The following FAT2 variants were observed in gnomAD, a reference collection of about 807,000 sequenced individuals.
The protein encoded by FAT2 is protocadherin Fat 2.
In FAT2, 150 loss-of-function variants were observed where a neutral mutation model predicts 295.3. That is an observed-to-expected ratio of 0.51 (90% confidence interval 0.44 to 0.58). The LOEUF is 0.58. Ranked by LOEUF, FAT2 falls within the 20% of genes least tolerant of loss-of-function variation. The pLI is 0.00. For synonymous variants in FAT2, 2,026 were observed against 2,150.3 expected, an observed-to-expected ratio of 0.94 and a Z score of 1.60; for missense variants, 4,868 against 5,442.7, an observed-to-expected ratio of 0.89 and a Z score of 3.32.
chr5:151,560,261 A>T (rs1050588158), intron 3 of FAT2, among the ~76,000 whole-genome samples: 7 of 152,188 alleles, frequency 4.6e-5, no homozygotes, highest in Admixed American at 3.9e-4. Context: ...ATAGCTTTGT[A>T]TATTAACTCA....
chr5:151,510,195 G>C (rs779689954), intron 21 of FAT2, 21 bp from the exon 22 acceptor site: 2 of 1,613,482 alleles, frequency 1.2e-6, no homozygotes, highest in South Asian at 2.2e-5. Context: ...AAGAAGGGAG[G>C]TGAGAGACCG....
chr5:151,564,280 A>C (rs971427588), intron 2 of FAT2, among the ~76,000 whole-genome samples: 3 of 152,226 alleles, frequency 2.0e-5, no homozygotes, highest in Admixed American at 1.3e-4. Context: ...GGCGTGGCCC[A>C]TGCTCACAGC....
chr5:151,533,327 G>T (rs1318916291), intron 13 of FAT2, among the ~76,000 whole-genome samples: 1 of 151,016 alleles, frequency 6.6e-6, no homozygotes, highest in Non-Finnish European at 1.5e-5. Flanking sequence ...ATGTATTCCA[G>T]ATCTCTCCTA....
chr5:151,558,673 G>A (rs572388286), intron 3 of FAT2, among the ~76,000 whole-genome samples: 20 of 151,988 alleles, frequency 1.3e-4, no homozygotes, highest in African/African-American at 3.9e-4. Context: ...TTCCGTTTCA[G>A]AGAAACCATG....
At chr5:151,521,067 C>G (rs1561822152) in intron 19 of FAT2, among the ~76,000 whole-genome samples, 1 of 152,190 alleles carries the variant, frequency 6.6e-6, no homozygotes, top group Non-Finnish European at 1.5e-5. Flanking sequence ...CTGTTATTTT[C>G]TAAATCTCGA....
Position 151,540,690 on chromosome 5 carries a change from C to T in FAT2, c.8916G>A (p.Leu2972=), listed in dbSNP as rs1212491594. The T allele has an allele frequency of 6.2e-7, 1 of 1,614,128 alleles. No homozygotes were observed. The highest frequency in any genetic ancestry group is 8.5e-7 in the Non-Finnish European group (1 of 1,180,046). The change falls in exon 11 of 24, where the codon CTG becomes CTA. Residue 2972 remains leucine (L), a synonymous_variant. Transcript: ENST00000261800. ...DEWRISSRKT[L]DREHTAKYLL... The stretch of plus-strand genomic sequence containing the variant: ...AGTACTTGGCTGTATGCTCGCGGTC[C>T]AGGGTCTTCCTTGAGGAAATCCTCC...
At chr5:151,530,784 G>A (rs1230470138) in intron 14 of FAT2, among the ~76,000 whole-genome samples, 2 of 152,198 alleles carry the variant, frequency 1.3e-5, no homozygotes. Context: ...GCGGTTGGAT[G>A]GATGTAGGGG....
intron 10 of FAT2, 144 bp from the exon 11 acceptor site, chr5:151,540,907 T>A: frequency 1.5e-6 from 1 of 686,332 alleles, no homozygotes; most frequent in Non-Finnish European, 2.3e-6. Flanking sequence ...CCCACGATTC[T>A]ACACTGAGTC....
At chr5:151,552,198 C>T (rs1757278914) in intron 6 of FAT2, among the ~76,000 whole-genome samples, 1 of 152,132 alleles carries the variant, frequency 6.6e-6, no homozygotes, top group African/African-American at 2.4e-5. Flanking sequence ...TCATAGTTCA[C>T]TGTAACCTTG....
chr5:151,532,122 G>T, intron 13 of FAT2, 152 bp from the exon 14 acceptor site: 1 of 1,004,994 alleles, frequency 1.0e-6, no homozygotes, highest in Non-Finnish European at 1.4e-6. Flanking sequence ...GGTCTCTCCA[G>T]CGGGGTGTCT....
intron 1 of FAT2, among the ~76,000 whole-genome samples, chr5:151,569,459 C>T (rs536353905): frequency 2.2e-4 from 34 of 152,158 alleles, no homozygotes; most frequent in Non-Finnish European, 4.4e-4. Flanking sequence ...CACTGGATCC[C>T]TCCCATGATA....
intron 22 of FAT2, among the ~76,000 whole-genome samples, chr5:151,508,357 G>A (rs1018362725): frequency 6.6e-6 from 1 of 152,120 alleles, no homozygotes; most frequent in Non-Finnish European, 1.5e-5. Flanking sequence ...AACACATCTC[G>A]TGAACGAATA....
intron 13 of FAT2, among the ~76,000 whole-genome samples, chr5:151,534,018 C>T (rs1754967297): frequency 6.6e-6 from 1 of 152,060 alleles, no homozygotes; most frequent in South Asian, 2.1e-4. Flanking sequence ...ATTTAATGGG[C>T]TTACTGGGGT....
At chr5:151,526,027 C>A (rs1247651261) in intron 17 of FAT2, 62 bp from the exon 18 acceptor site, 1 of 1,515,686 alleles carries the variant, frequency 6.6e-7, no homozygotes, top group Non-Finnish European at 9.0e-7. Flanking sequence ...TCCTTTCGCA[C>A]GTGTCTGGGT....
chr5:151,506,199 AGTGG>A lies in FAT2; in HGVS notation c.12518-106_12518-103del. The A allele has an allele frequency of 3.9e-6, 5 of 1,292,648 alleles. No individual in the cohort carries two copies. In the African/African-American group the frequency reaches 6.0e-5, roughly 16 times the overall value. 80.1% of individuals were successfully genotyped at this position (1,292,648 alleles called of 1,614,324 possible). ...TAACCTAGCGAGTGGTGGAGATGGGAGTGGGTGGGCATAGGCCCATCTGTGCAGG... is the reference window on the plus strand; with the variant it reads ...TAACCTAGCGAGTGGTGGAGATGGGAGTGGGCATAGGCCCATCTGTGCAGG... On this transcript the variant is annotated intron_variant, in intron 23 of 23. Transcript: ENST00000261800.
intron 1 of FAT2, among the ~76,000 whole-genome samples, chr5:151,589,220 C>G (rs1423161182): frequency 6.6e-6 from 1 of 152,138 alleles, no homozygotes; most frequent in Non-Finnish European, 1.5e-5. Flanking sequence ...CCAACCGTAC[C>G]AACTCCATCT....
Position 151,566,836 on chromosome 5 carries a change from AATTCCTC to A in FAT2, c.2089_2095del (p.Glu697SerfsTer4). The A allele has an allele frequency of 6.2e-7, 1 of 1,614,148 alleles. No individual in the cohort carries two copies. Among genetic ancestry groups the A allele is most frequent in the Non-Finnish European group, 8.5e-7 (1 of 1,180,028 alleles). On this transcript the variant is annotated frameshift_variant, in exon 2 of 24. Transcript: ENST00000261800. LOFTEE classifies it high-confidence loss of function. The stretch of plus-strand genomic sequence containing the variant: ...AATCTGATATGTGCTTAAAGAAGTG[AATTCCTC>A]ATCACTGGACTCCTGGTTCTGAAGC...
At chr5:151,588,865 C>T (rs1392882712) in intron 1 of FAT2, among the ~76,000 whole-genome samples, 3 of 152,150 alleles carry the variant, frequency 2.0e-5, no homozygotes, top group African/African-American at 7.2e-5. Flanking sequence ...ACCTTCCATG[C>T]ACCCCCTCAT....
Position 151,521,603 on chromosome 5 carries a change from C to T in FAT2, c.10990G>A (p.Ala3664Thr). ...TGGAGGCTGGCCAAGTGAATGTTAG[C>T]CCGTTTGATGTCCAGCTTATGGCTG... ...FLSHKLDIKR[A>T]NIHLASLQPA... Residue 3664 changes from alanine to threonine, a missense_variant, in exon 19 of 24, where the codon GCT becomes ACT. Coordinates refer to ENST00000261800, the MANE Select transcript of FAT2 (RefSeq NM_001447.3). The T allele has an allele frequency of 6.2e-7, 1 of 1,614,202 alleles. No homozygotes were observed. Among genetic ancestry groups the T allele is most frequent in the Non-Finnish European group, 8.5e-7 (1 of 1,180,030 alleles).
Sources: gnomAD v4.1 joint callset for allele counts (sites outside exome capture counted in the v4.1 genomes callset) on GRCh38, gnomAD v4.1.1 for gene constraint, MANE v1.5 for transcripts, NCBI Gene and HGNC (gene_info 2026-07-23, HGNC 2026-07-21) for gene names.